The following ADGRF3 variants were observed in gnomAD, a reference collection of about 807,000 sequenced individuals.
ADGRF3 encodes the protein adhesion G protein-coupled receptor F3.
Under a neutral mutation model 93.2 loss-of-function variants are expected in ADGRF3, and 85 were observed. The ratio of observed to expected loss-of-function variants is 0.91; its 90% CI spans 0.77 to 1.09. ADGRF3 has a LOEUF of 1.09. Among genes scored for constraint, ADGRF3 ranks in the 50% least tolerant of loss-of-function variants. The probability of loss-of-function intolerance (pLI) is 0.00; values close to 1 mark genes in which losing one functional copy is unlikely to be tolerated. For synonymous variants in ADGRF3, 534 were observed against 532.5 expected, an observed-to-expected ratio of 1.00 and a Z score of -0.04; for missense variants, 1,125 against 1,246.2, an observed-to-expected ratio of 0.90 and a Z score of 1.46.
rs1674677661 is a variant in ADGRF3, at chr2:26,316,396, G to A, written c.378C>T (p.Tyr126=). The part of the protein sequence containing the change: ...GNFYCACLSG[Y]QWNTSICLHY... ...GGAGGCAGATGCTGGTGTTCCACTG[G>A]TAGCCAGAGAGGCAAGCACAATAGA... The change falls in exon 4 of 14, where the codon TAC becomes TAT. Residue 126 remains tyrosine, a synonymous_variant. Coordinates refer to ENST00000651242, the MANE Select transcript of ADGRF3 (RefSeq NM_001321971.2). The A allele has an allele frequency of 6.4e-7, 1 of 1,551,666 alleles. No individual in the cohort carries two copies. Among genetic ancestry groups the A allele is most frequent in the East Asian group, 2.4e-5 (1 of 40,938 alleles).
At chr2:26,318,865 C>G in intron 1 of ADGRF3, 1 of 1,536,790 alleles carries the variant, frequency 6.5e-7, no homozygotes, top group Non-Finnish European at 8.8e-7. Flanking sequence ...AGCCCTTTCC[C>G]CACTACCTAT....
chr2:26,317,127 C>T, intron 2 of ADGRF3, 72 bp from the exon 3 acceptor site: 1 of 1,496,566 alleles, frequency 6.7e-7, no homozygotes, highest in Non-Finnish European at 9.0e-7. Context: ...TGGATTCTCT[C>T]ACCTAGCTGG....
chr2:26,345,241 T>C (rs1676641534), intron 1 of ADGRF3, among the ~76,000 whole-genome samples: 1 of 152,212 alleles, frequency 6.6e-6, no homozygotes, highest in Non-Finnish European at 1.5e-5. Context: ...AAGCAGCAAC[T>C]ATTATAAAAT....
chr2:26,343,075 G>C (rs1676479834), intron 1 of ADGRF3, among the ~76,000 whole-genome samples: 1 of 152,126 alleles, frequency 6.6e-6, no homozygotes, highest in African/African-American at 2.4e-5. Flanking sequence ...CAGCGCGGTA[G>C]GTTTGTTTAC....
At chr2:26,336,567 A>G (rs1000873007) in intron 1 of ADGRF3, among the ~76,000 whole-genome samples, 6 of 151,838 alleles carry the variant, frequency 4.0e-5, no homozygotes, top group African/African-American at 1.5e-4. Context: ...CTCTACTAAA[A>G]ATACAAAAAT....
Position 26,311,349 on chromosome 2 carries a change from C to A in ADGRF3, c.2175G>T (p.Trp725Cys). 6.2e-7 allele frequency: 1 copy of A among 1,614,038 alleles called. No individual in the cohort carries two copies. Among genetic ancestry groups the A allele is most frequent in the Middle Eastern group, 1.6e-4 (1 of 6,062 alleles). The part of the protein sequence containing the change: ...LALLVCLGVY[W>C]LVWRVVVRNK... Reference sequence around the variant, plus strand: ...TCCGCACCACGACTCTCCACACCAGCCAGTACACACCCAGGCACACAAGCA... The same window carrying A: ...TCCGCACCACGACTCTCCACACCAGACAGTACACACCCAGGCACACAAGCA... Residue 725 changes from tryptophan (W) to cysteine (C), a missense_variant, in exon 10 of 14, where the codon TGG (tryptophan) becomes TGT (cysteine). Trp to Cys is a radical substitution (Grantham distance 215). Transcript: ENST00000651242.
chr2:26,318,279 T>C (rs1318380316), intron 1 of ADGRF3, among the ~76,000 whole-genome samples: 1 of 152,128 alleles, frequency 6.6e-6, no homozygotes, highest in East Asian at 1.9e-4. Context: ...CAGATATTGA[T>C]ATAGATACGA....
intron 1 of ADGRF3, chr2:26,318,944 G>T: frequency 6.4e-7 from 1 of 1,551,656 alleles, no homozygotes; most frequent in Non-Finnish European, 8.7e-7. Flanking sequence ...CCTTCCCTGG[G>T]TCTCACCCCA....
chr2:26,341,283 C>G (rs1223554361), intron 1 of ADGRF3, among the ~76,000 whole-genome samples: 1 of 152,152 alleles, frequency 6.6e-6, no homozygotes, highest in Non-Finnish European at 1.5e-5. Context: ...GAGTCTGAGG[C>G]AGGAGAATCG....
chr2:26,310,638 G>A, intron 10 of ADGRF3, 54 bp downstream of exon 10: 1 of 1,530,702 alleles, frequency 6.5e-7, no homozygotes, highest in Non-Finnish European at 8.9e-7. Context: ...GAGATCGGCA[G>A]TGACTTAGAC....
intron 13 of ADGRF3, 38 bp downstream of exon 13, chr2:26,309,487 AC>A: frequency 4.4e-6 from 7 of 1,600,352 alleles, no homozygotes; most frequent in Non-Finnish European, 6.0e-6. Flanking sequence ...TCCTCAATCC[AC>A]CCTGCTTACG....
At chr2:26,341,030 G>A (rs963811065) in intron 1 of ADGRF3, among the ~76,000 whole-genome samples, 1 of 152,078 alleles carries the variant, frequency 6.6e-6, no homozygotes, top group African/African-American at 2.4e-5. Context: ...TCTAGACTTC[G>A]AATGACTACT....
chr2:26,341,027 T>A (rs1443659763), intron 1 of ADGRF3, among the ~76,000 whole-genome samples: 1 of 152,142 alleles, frequency 6.6e-6, no homozygotes, highest in African/African-American at 2.4e-5. Context: ...GTCTCTAGAC[T>A]TCGAATGACT....
Position 26,315,509 on chromosome 2 carries a change from A to G in ADGRF3, c.718+13T>C. The G allele has an allele frequency of 6.5e-7, 1 of 1,547,908 alleles. No homozygotes were observed. Among genetic ancestry groups the G allele is most frequent in the Non-Finnish European group, 8.7e-7 (1 of 1,144,198 alleles). On this transcript the variant is annotated intron_variant, in intron 5 of 13. Transcript: ENST00000651242. The stretch of plus-strand genomic sequence containing the variant: ...GAAGGAGAAAGGAGGCAAGGAGAGG[A>G]CAGGCTGGCTACCTGCCCAGTGATG...
chr2:26,324,647 A>G (rs1675343958), intron 1 of ADGRF3, among the ~76,000 whole-genome samples: 1 of 152,232 alleles, frequency 6.6e-6, no homozygotes, highest in Non-Finnish European at 1.5e-5. Flanking sequence ...TGCAAAAGAC[A>G]TGATCTCATT....
chr2:26,332,991 A>G (rs1467160613), intron 1 of ADGRF3, among the ~76,000 whole-genome samples: 1 of 152,180 alleles, frequency 6.6e-6, no homozygotes, highest in Non-Finnish European at 1.5e-5. Context: ...TTTCTCCGAC[A>G]AGATAAACTG....
At chr2:26,338,579 C>T (rs1283780711) in intron 1 of ADGRF3, among the ~76,000 whole-genome samples, 2 of 152,162 alleles carry the variant, frequency 1.3e-5, no homozygotes, top group Non-Finnish European at 2.9e-5. Context: ...TCTCCTGCCT[C>T]AGCCTCCCGA....
At chr2:26,310,128 G>C in intron 11 of ADGRF3, 23 bp from the exon 12 acceptor site, 1 of 1,614,046 alleles carries the variant, frequency 6.2e-7, no homozygotes. Context: ...TAAATGCTCT[G>C]CTTATGCCAG....
In ADGRF3 at chr2:26,310,252, A is replaced by G. The variant is rs1305072212; in HGVS notation, c.2833-15T>C. On this transcript the variant is annotated splice_polypyrimidine_tract_variant and intron_variant, in intron 10 of 13. Coordinates refer to ENST00000651242, the MANE Select transcript of ADGRF3 (RefSeq NM_001321971.2). The stretch of plus-strand genomic sequence containing the variant: ...ATGAAGACGCCCTGAGAAGAGGGAC[A>G]TGGGGATAAGCTGGTCAAGGAGGAA... The G allele has an allele frequency of 1.2e-6, 2 of 1,613,834 alleles. No individual in the cohort carries two copies. The highest frequency in any genetic ancestry group is 1.7e-6 in the Non-Finnish European group (2 of 1,179,870).
Sources: allele counts gnomAD v4.1 joint callset (sites outside exome capture counted in the v4.1 genomes callset), GRCh38; gene constraint gnomAD v4.1.1; transcripts MANE v1.5; gene names NCBI Gene and HGNC (gene_info 2026-07-23, HGNC 2026-07-21).